ERC2: variants seen among roughly 807,000 people sequenced by gnomAD.
ERC2 encodes the protein ERC protein 2.
Under a neutral mutation model 114.8 loss-of-function variants are expected in ERC2, and 42 were observed. The observed-to-expected ratio is 0.37, with a 90% CI of 0.29 to 0.47. The LOEUF is 0.47. Ranked by LOEUF, ERC2 falls within the 20% of genes least tolerant of loss-of-function variation. The pLI, the probability that ERC2 is intolerant of heterozygous loss-of-function variation, is 0.99. For synonymous variants in ERC2, 454 were observed against 425.5 expected (o/e 1.07, Z -0.82); for missense variants, 939 against 1,150.7 (o/e 0.82, Z 2.66).
intron 7 of ERC2, among the ~76,000 whole-genome samples, chr3:56,024,467 C>T (rs74960581): frequency 6.6e-6 from 1 of 152,180 alleles, no homozygotes; most frequent in Non-Finnish European, 1.5e-5. Flanking sequence ...CACCACTAGC[C>T]CTGCAGTCAT....
intron 14 of ERC2, among the ~76,000 whole-genome samples, chr3:55,842,272 T>G (rs1014549577): frequency 6.6e-6 from 1 of 152,160 alleles, no homozygotes; most frequent in African/African-American, 2.4e-5. Context: ...AAAATCTGCC[T>G]GCCAAAAAAT....
rs770112111 is a variant in ERC2 at position 56,081,014 on chromosome 3, G to A, written c.1474-30C>T. On this transcript the variant is annotated intron_variant, in intron 6 of 17. Transcript: ENST00000288221. ...AATCAGGAAAAAGACAGAAGGTTGT[G>A]GTTTTACAGAAAGGTCATCAATAAC... 4 of 1,605,580 alleles carry A rather than the reference G, an allele frequency of 2.5e-6. No individual in the cohort carries two copies. In the South Asian group the frequency reaches 4.4e-5, roughly 18 times the overall value.
intron 14 of ERC2, among the ~76,000 whole-genome samples, chr3:55,822,617 T>A (rs1047893826): frequency 4.1e-5 from 6 of 147,492 alleles, no homozygotes; most frequent in Non-Finnish European, 8.9e-5. Context: ...CAGGCTGGAG[T>A]GCAGTGGCGC....
chr3:56,448,474 T>C (rs940342679), intron 1 of ERC2, among the ~76,000 whole-genome samples: 1 of 152,144 alleles, frequency 6.6e-6, no homozygotes, highest in Non-Finnish European at 1.5e-5. Flanking sequence ...CACCAAAACA[T>C]TGTGGCCGGA....
chr3:55,562,561 C>A (rs1487494955), intron 17 of ERC2, among the ~76,000 whole-genome samples: 2 of 152,102 alleles, frequency 1.3e-5, no homozygotes, highest in African/African-American at 4.8e-5. Context: ...GTCTGGGATG[C>A]CATATAAGAA....
intron 2 of ERC2, among the ~76,000 whole-genome samples, chr3:56,405,062 T>C (rs1302140123): frequency 2.0e-5 from 3 of 152,118 alleles, no homozygotes; most frequent in Admixed American, 6.5e-5. Flanking sequence ...TAGGTTGACT[T>C]TGGCCAAAGT....
intron 11 of ERC2, 46 bp downstream of exon 11, chr3:55,992,011 T>A (rs2071100468): frequency 2.5e-6 from 4 of 1,571,650 alleles, no homozygotes; most frequent in Non-Finnish European, 3.5e-6. Context: ...AACCACGCAG[T>A]CCATGTTCTC....
intron 2 of ERC2, among the ~76,000 whole-genome samples, chr3:56,380,823 T>C (rs1298165544): frequency 6.6e-6 from 1 of 152,224 alleles, no homozygotes; most frequent in Non-Finnish European, 1.5e-5. Context: ...GCTAATTATT[T>C]TGTCCTATTT....
chr3:56,359,634 C>T (rs1166831915), intron 2 of ERC2, among the ~76,000 whole-genome samples: 1 of 152,340 alleles, frequency 6.6e-6, no homozygotes, highest in East Asian at 1.9e-4. Context: ...ATACCTGAGA[C>T]TGGGTGATTT....
chr3:55,896,959 C>T (rs1330182667), intron 13 of ERC2, among the ~76,000 whole-genome samples: 1 of 152,202 alleles, frequency 6.6e-6, no homozygotes, highest in African/African-American at 2.4e-5. Flanking sequence ...ACTGTATTTA[C>T]TGTATCTGAA....
At chr3:56,463,384 C>T (rs1451536745) in intron 1 of ERC2, among the ~76,000 whole-genome samples, 1 of 152,240 alleles carries the variant, frequency 6.6e-6, no homozygotes, top group Non-Finnish European at 1.5e-5. Flanking sequence ...TCACTCACTA[C>T]ATTTTCAGGA....
chr3:56,334,183 C>A (rs1286516292), intron 2 of ERC2, among the ~76,000 whole-genome samples: 1 of 152,194 alleles, frequency 6.6e-6, no homozygotes, highest in African/African-American at 2.4e-5. Context: ...CCCTTGGATG[C>A]CAAGGTACAA....
chr3:55,678,932 T>A (rs2061933186), intron 17 of ERC2, among the ~76,000 whole-genome samples: 1 of 152,170 alleles, frequency 6.6e-6, no homozygotes, highest in Non-Finnish European at 1.5e-5. Flanking sequence ...TGTCTGCATC[T>A]CCACTACTGC....
At chr3:55,515,774 C>A (rs2052453572) in intron 17 of ERC2, among the ~76,000 whole-genome samples, 1 of 151,966 alleles carries the variant, frequency 6.6e-6, no homozygotes, top group South Asian at 2.1e-4. Context: ...GGAGAGCAGG[C>A]TATAAACGTG....
chr3:55,859,482 G>A (rs534645556), intron 14 of ERC2, among the ~76,000 whole-genome samples: 2 of 152,152 alleles, frequency 1.3e-5, no homozygotes, highest in South Asian at 4.2e-4. Flanking sequence ...TAAGTCTCCA[G>A]GCTCCCTACC....
intron 13 of ERC2, among the ~76,000 whole-genome samples, chr3:55,899,295 A>C (rs944327050): frequency 3.3e-5 from 5 of 152,294 alleles, no homozygotes; most frequent in African/African-American, 1.2e-4. Context: ...TATTCTAAGG[A>C]TATATAATAA....
At chr3:55,683,050 T>A (rs2062135982) in intron 17 of ERC2, among the ~76,000 whole-genome samples, 1 of 152,212 alleles carries the variant, frequency 6.6e-6, no homozygotes, top group Non-Finnish European at 1.5e-5. Flanking sequence ...TCTCAATAGC[T>A]AAAGATCAGC....
chr3:56,315,152 A>C (rs1056164167), intron 2 of ERC2, among the ~76,000 whole-genome samples: 1 of 151,900 alleles, frequency 6.6e-6, no homozygotes, highest in Admixed American at 6.6e-5. Context: ...AGATGAAGTA[A>C]CTCCTCTCTC....
At chr3:55,795,964 T>C (rs2070440812) in intron 14 of ERC2, among the ~76,000 whole-genome samples, 1 of 152,234 alleles carries the variant, frequency 6.6e-6, no homozygotes, top group African/African-American at 2.4e-5. Context: ...CTCATTATAG[T>C]TGAGGAGTCA....
Sources: gnomAD v4.1 joint callset for allele counts (sites outside exome capture counted in the v4.1 genomes callset) on GRCh38, gnomAD v4.1.1 for gene constraint, MANE v1.5 for transcripts, NCBI Gene and HGNC (gene_info 2026-07-23, HGNC 2026-07-21) for gene names.